ENOX2: variants seen among roughly 807,000 people sequenced by gnomAD.
ENOX2 encodes APK1 antigen.
In ENOX2, 36 loss-of-function variants were observed where a neutral mutation model predicts 45.0. The ratio of observed to expected loss-of-function variants is 0.80; its 90% CI spans 0.61 to 1.06. The LOEUF is 1.06. Among genes scored for constraint, ENOX2 ranks in the 50% least tolerant of loss-of-function variants. The pLI is 0.00. For synonymous variants in ENOX2, 174 were observed against 152.3 expected, an observed-to-expected ratio of 1.14 and a Z score of -1.05; for missense variants, 423 against 462.5, an observed-to-expected ratio of 0.91 and a Z score of 0.78.
chrX:130,632,450 CTCTT>C (rs2035795703), intron 12 of ENOX2, among the ~76,000 whole-genome samples: 1 of 104,715 alleles, frequency 9.5e-6, no homozygotes, highest in Non-Finnish European at 2.0e-5. Context: ...CCTTTCATGG[CTCTT>C]TCTTTCTCTC....
At chrX:130,627,454 A>T (rs971106750) in intron 14 of ENOX2, among the ~76,000 whole-genome samples, 6 of 110,841 alleles carry the variant, frequency 5.4e-5, no homozygotes, top group Non-Finnish European at 1.1e-4. Flanking sequence ...GGTGGCATGC[A>T]TCTGTAGTCC....
At chrX:130,779,091 A>C (rs1359436804) in intron 3 of ENOX2, among the ~76,000 whole-genome samples, 1 of 112,667 alleles carries the variant, frequency 8.9e-6, no homozygotes, top group Non-Finnish European at 1.9e-5. Flanking sequence ...ATGGCTCTCA[A>C]ACCAGGAGGC....
intron 10 of ENOX2, among the ~76,000 whole-genome samples, chrX:130,637,906 A>C (rs754899982): frequency 1.8e-5 from 2 of 111,551 alleles, no homozygotes; most frequent in East Asian, 5.6e-4. Flanking sequence ...GAAGAATCAA[A>C]AGTAGTGCCA....
At chrX:130,873,940 T>C (rs1344787671) in intron 2 of ENOX2, among the ~76,000 whole-genome samples, 1 of 110,690 alleles carries the variant, frequency 9.0e-6, no homozygotes, top group East Asian at 2.8e-4. Context: ...AAATACCTAA[T>C]GTAGATGATG....
chrX:130,660,382 G>T (rs1021122334), intron 9 of ENOX2, among the ~76,000 whole-genome samples: 4 of 111,841 alleles, frequency 3.6e-5, no homozygotes, highest in Admixed American at 1.9e-4. Flanking sequence ...TTCCCTTAAA[G>T]CACTTGATGT....
At chrX:130,851,423 G>A (rs944632131) in intron 2 of ENOX2, among the ~76,000 whole-genome samples, 12 of 109,041 alleles carry the variant, frequency 1.1e-4, no homozygotes, top group South Asian at 4.0e-4. Flanking sequence ...GTTTCACCAC[G>A]TTGCCCAGGC....
intron 3 of ENOX2, among the ~76,000 whole-genome samples, chrX:130,736,124 G>A (rs1272372730): frequency 9.0e-6 from 1 of 111,551 alleles, no homozygotes; most frequent in African/African-American, 3.3e-5. Context: ...AACACTTTGG[G>A]AGGCCGAGGT....
chrX:130,651,457 C>T (rs952726994), intron 10 of ENOX2, among the ~76,000 whole-genome samples: 4 of 112,211 alleles, frequency 3.6e-5, no homozygotes, highest in African/African-American at 1.3e-4. Flanking sequence ...GAATAGATCC[C>T]AGTGCAACCT....
intron 2 of ENOX2, among the ~76,000 whole-genome samples, chrX:130,870,228 C>CA (rs2078553134): frequency 1.8e-5 from 2 of 110,849 alleles, no homozygotes; most frequent in Non-Finnish European, 3.8e-5. Flanking sequence ...TTGGAACTGT[C>CA]AAAATCAATA....
intron 2 of ENOX2, among the ~76,000 whole-genome samples, chrX:130,839,718 A>G (rs959737518): frequency 8.9e-6 from 1 of 111,952 alleles, no homozygotes; most frequent in Admixed American, 9.5e-5. Context: ...TGTATTAACT[A>G]TAAGAAATGG....
At chrX:130,744,307 A>G (rs969625042) in intron 3 of ENOX2, among the ~76,000 whole-genome samples, 2 of 112,342 alleles carry the variant, frequency 1.8e-5, no homozygotes, top group Non-Finnish European at 3.8e-5. Flanking sequence ...TTTCAACTTT[A>G]TAACATTAAA....
chrX:130,626,333 T>A (rs1388023034), intron 14 of ENOX2, among the ~76,000 whole-genome samples: 1 of 111,803 alleles, frequency 8.9e-6, no homozygotes, highest in Non-Finnish European at 1.9e-5. Flanking sequence ...TAGAGTTGAA[T>A]CCCCATTTCA....
chrX:130,888,817 A>G (rs1357802922), intron 2 of ENOX2, among the ~76,000 whole-genome samples: 8 of 112,066 alleles, frequency 7.1e-5, no homozygotes, highest in African/African-American at 2.6e-4. Context: ...ATAATACATC[A>G]AAAGTTTATT....
chrX:130,754,631 C>T (rs1187781084), intron 3 of ENOX2, among the ~76,000 whole-genome samples: 1 of 110,688 alleles, frequency 9.0e-6, no homozygotes, highest in African/African-American at 3.3e-5. Context: ...ACAATTAATG[C>T]AGAAATAGAA....
chrX:130,832,930 C>T (rs1260487692), intron 2 of ENOX2, among the ~76,000 whole-genome samples: 1 of 108,502 alleles, frequency 9.2e-6, no homozygotes, highest in African/African-American at 3.4e-5. Flanking sequence ...AATATAACTC[C>T]CTAACTGGTG....
chrX:130,864,643 C>T (rs781193918), intron 2 of ENOX2, among the ~76,000 whole-genome samples: 96 of 112,080 alleles, frequency 8.6e-4, no homozygotes, highest in Middle Eastern at 4.2e-3. Context: ...GTAAAATCAC[C>T]TATTTTCCTC....
At chrX:130,757,661 T>C (rs1343117046) in intron 3 of ENOX2, among the ~76,000 whole-genome samples, 1 of 111,968 alleles carries the variant, frequency 8.9e-6, no homozygotes, top group Non-Finnish European at 1.9e-5. Context: ...ATTTTCTTTT[T>C]AATTATACTT....
In ENOX2 at chrX:130,635,178, G is replaced by A. The variant is rs773896255; in HGVS notation, c.1312-87C>T. The stretch of plus-strand genomic sequence containing the variant: ...CTCTGGCTGAAATCAGATATCAGGT[G>A]GGCCTGCCTCACTTTCCTCCAGCAC... On this transcript the variant is annotated intron_variant, in intron 11 of 14. Transcript: ENST00000394363. 12 of 508,089 alleles carry A rather than the reference G, an allele frequency of 2.4e-5. No homozygotes were observed. The South Asian group carries it at 4.8e-4, about 20-fold the overall frequency. 41.9% of individuals were successfully genotyped at this position (508,089 alleles called of 1,213,427 possible).
At chrX:130,682,583 C>CAAAAAAAAAAAAAAAAAAAA (rs55875735) in intron 5 of ENOX2, among the ~76,000 whole-genome samples, 1 of 14,659 alleles carries the variant, frequency 6.8e-5, no homozygotes, top group African/African-American at 2.0e-4. Context: ...GACTCCGTCT[C>CAAAAAAAAAAAAAAAAAAAA]AAAAAAAAAA....
Sources: gnomAD v4.1 joint callset for allele counts (sites outside exome capture counted in the v4.1 genomes callset) on GRCh38, gnomAD v4.1.1 for gene constraint, MANE v1.5 for transcripts, NCBI Gene and HGNC (gene_info 2026-07-23, HGNC 2026-07-21) for gene names.